ABL2: variants seen among roughly 807,000 people sequenced by gnomAD.
ABL2 encodes the protein tyrosine-protein kinase ABL2.
ABL2 carries 49 observed loss-of-function variants against 107.7 expected under a neutral mutation model. That is an observed-to-expected ratio of 0.45 (90% CI 0.36 to 0.58). The LOEUF is 0.58. Among genes scored for constraint, ABL2 ranks in the 20% least tolerant of loss-of-function variants. The pLI is 0.00. For missense variants in ABL2, 1,245 were observed against 1,457.0 expected, an observed-to-expected ratio of 0.85 and a Z score of 2.37; for synonymous variants, 549 against 548.6, an observed-to-expected ratio of 1.00 and a Z score of -0.01.
Position 179,112,361 on chromosome 1 carries a change from A to G in ABL2, c.1599T>C (p.Ala533=), listed in dbSNP as rs1312910172. The G allele has an allele frequency of 6.2e-6, 10 of 1,613,992 alleles. No homozygotes were observed. The highest frequency in any genetic ancestry group is 6.8e-6 in the Non-Finnish European group (8 of 1,179,878). The change falls in exon 10 of 12, where the codon GCT becomes GCC. Residue 533 remains alanine (A), a synonymous_variant. Coordinates refer to ENST00000502732, the MANE Select transcript of ABL2 (RefSeq NM_007314.4). ...TGGTTTCAAAAGCTTGGTGTGTTTC[A>G]GCAAAAGAGGGCCTATCGGCAGGGC... ...KWSPADRPSF[A]ETHQAFETMF...
chr1:179,182,983 C>G (rs557689528), intron 1 of ABL2, among the ~76,000 whole-genome samples: 1 of 152,104 alleles, frequency 6.6e-6, no homozygotes, highest in Admixed American at 6.5e-5. Context: ...TGGTAAGAAT[C>G]ACTGGGGCTC....
intron 1 of ABL2, among the ~76,000 whole-genome samples, chr1:179,152,265 C>T (rs1291602221): frequency 6.6e-6 from 1 of 152,146 alleles, no homozygotes; most frequent in Non-Finnish European, 1.5e-5. Context: ...AGCTAAAAGC[C>T]CTGCAGTTAA....
chr1:179,135,712 G>A (rs1322912478), intron 1 of ABL2, among the ~76,000 whole-genome samples: 2 of 145,632 alleles, frequency 1.4e-5, no homozygotes, highest in Non-Finnish European at 3.0e-5. Flanking sequence ...CCTCTGCCCG[G>A]CCGCCCCTAC....
At chr1:179,181,476 C>T (rs1469311749) in intron 1 of ABL2, among the ~76,000 whole-genome samples, 1 of 152,074 alleles carries the variant, frequency 6.6e-6, no homozygotes, top group African/African-American at 2.4e-5. Flanking sequence ...AGCTTTGTGA[C>T]CTTGGGAAAA....
At chr1:179,193,000 G>A (rs187008862) in intron 1 of ABL2, among the ~76,000 whole-genome samples, 5 of 152,100 alleles carry the variant, frequency 3.3e-5, no homozygotes, top group East Asian at 1.9e-4. Context: ...TATCTTCTGC[G>A]TTGTTGTCTA....
intron 1 of ABL2, among the ~76,000 whole-genome samples, chr1:179,218,355 A>C (rs898188383): frequency 1.3e-5 from 2 of 152,174 alleles, no homozygotes; most frequent in African/African-American, 2.4e-5. Context: ...AGTACATTAC[A>C]TCCTGTTTTC....
At chr1:179,229,216 C>A (rs1558013566) in intron 1 of ABL2, 25 bp downstream of exon 1, 1 of 1,483,494 alleles carries the variant, frequency 6.7e-7, no homozygotes, top group African/African-American at 1.5e-5. Flanking sequence ...CCCACGCTCT[C>A]ATGCCGGCTC....
At chr1:179,227,215 T>G (rs1260519696) in intron 1 of ABL2, among the ~76,000 whole-genome samples, 2 of 152,222 alleles carry the variant, frequency 1.3e-5, no homozygotes, top group African/African-American at 2.4e-5. Flanking sequence ...TTAGAGATCA[T>G]CCAGTCCAAC....
rs1190073935 is a variant in ABL2 at position 179,102,474 on chromosome 1, T to C, written c.*5244A>G. On this transcript the variant is annotated 3_prime_UTR_variant, in exon 12 of 12. Transcript: ENST00000502732. ...AGGAAGTGAGCTACTACTGGCTTGA[T>C]ACAAGCTAAGACAGAGACACAAACC... 4.4e-6 allele frequency: 1 copy of C among 225,460 alleles called. No individual in the cohort carries two copies. Among genetic ancestry groups the C allele is most frequent in the Non-Finnish European group, 8.8e-6 (1 of 113,332 alleles). 14.0% of individuals were successfully genotyped at this position (225,460 alleles called of 1,614,324 possible). A position where few individuals can be genotyped will look rare whatever the true frequency, so the allele number is the denominator to read the frequency against.
chr1:179,109,002 G>A lies in ABL2; in HGVS notation c.2265C>T (p.Arg755=). The A allele has an allele frequency of 1.2e-6, 2 of 1,614,060 alleles. No homozygotes were observed. The highest frequency in any genetic ancestry group is 1.7e-6 in the Non-Finnish European group (2 of 1,180,024). Residue 755 remains arginine (R), a synonymous_variant, in exon 12 of 12, where the codon CGC becomes CGT. Transcript: ENST00000502732. ...WSGITGFFTP[R]LIKKTLGLRA... ...GTAAGCCCAGTGTCTTTTTGATTAA[G>A]CGTGGTGTAAAGAAGCCTGTGATGC...
intron 3 of ABL2, among the ~76,000 whole-genome samples, chr1:179,130,936 A>ATTTTT (rs11382795): frequency 1.4e-5 from 2 of 142,616 alleles, no homozygotes; most frequent in African/African-American, 2.6e-5. Context: ...TTTCAGGATA[A>ATTTTT]TTTTTTTTTT....
rs1656522485 is a variant in ABL2, at chr1:179,133,302, C to T, written c.220+10G>A. On this transcript the variant is annotated intron_variant, in intron 2 of 11. Coordinates refer to ENST00000502732, the MANE Select transcript of ABL2 (RefSeq NM_007314.4). Reference sequence around the variant, plus strand: ...TTAGTTCAAATCTGCAACATCTCAACATCTCTCACCTGGACTACTGCCTCC... The same window carrying T: ...TTAGTTCAAATCTGCAACATCTCAATATCTCTCACCTGGACTACTGCCTCC... 6.2e-7 allele frequency: 1 copy of T among 1,614,156 alleles called. No homozygotes were observed. The highest frequency in any genetic ancestry group is 1.1e-5 in the South Asian group (1 of 91,068).
chr1:179,110,625 CAT>C (rs1437409075), intron 10 of ABL2, 170 bp from the exon 11 acceptor site: 16 of 1,520,860 alleles, frequency 1.1e-5, no homozygotes, highest in African/African-American at 1.4e-5. Context: ...CGCCCAGTAT[CAT>C]GTGTGTAGAT....
Position 179,229,270 on chromosome 1 carries a change from T to A in ABL2, c.128A>T (p.Glu43Val). 1 of 1,559,906 alleles carries A rather than the reference T, an allele frequency of 6.4e-7. No individual in the cohort carries two copies. The highest frequency in any genetic ancestry group is 1.9e-5 in the Admixed American group (1 of 53,042). The change falls in exon 1 of 12, where the codon GAG becomes GTG. Residue 43 changes from glutamate (E) to valine (V), a missense_variant. Physicochemically the swap from Glu to Val is moderately radical, Grantham distance 121. Around this residue, in one of 3 missense-constraint regions of ABL2, gnomAD observed 164 missense variants for 143.7 expected, o/e 1.14. Coordinates refer to ENST00000502732, the MANE Select transcript of ABL2 (RefSeq NM_007314.4). Reference protein sequence around the residue: ...RRRDPAGRTTETGFNIFTQHD... With the variant: ...RRRDPAGRTTVTGFNIFTQHD... ...CTGGGTGAAGATATTGAAGCCGGTC[T>A]CTGTGGTGCGCCCCGCCGGGTCCCG...
At chr1:179,222,940 A>G (rs938524214) in intron 1 of ABL2, among the ~76,000 whole-genome samples, 1 of 151,652 alleles carries the variant, frequency 6.6e-6, no homozygotes, top group African/African-American at 2.4e-5. Flanking sequence ...GTGAATCCCC[A>G]TCTCTACTAA....
At chr1:179,229,023 C>T (rs1261446639) in intron 1 of ABL2, among the ~76,000 whole-genome samples, 1 of 152,198 alleles carries the variant, frequency 6.6e-6, no homozygotes, top group African/African-American at 2.4e-5. Context: ...CTTCTCTTTC[C>T]TTCTCCGCCC....
intron 1 of ABL2, among the ~76,000 whole-genome samples, chr1:179,215,418 C>T (rs191078846): frequency 5.2e-4 from 79 of 152,128 alleles, no homozygotes; most frequent in African/African-American, 1.8e-3. Flanking sequence ...CCTTGAGATA[C>T]CTTTGTATAT....
chr1:179,206,501 TAAA>T (rs71685132), intron 1 of ABL2, among the ~76,000 whole-genome samples: 5 of 128,688 alleles, frequency 3.9e-5, no homozygotes, highest in Non-Finnish European at 3.4e-5. Context: ...TGCATCCATT[TAAA>T]AAAAAAAAAA....
intron 1 of ABL2, among the ~76,000 whole-genome samples, chr1:179,200,328 T>C (rs116503493): frequency 0.014 from 2,069 of 152,322 alleles, 66 homozygotes; most frequent in African/African-American, 0.046. Flanking sequence ...ATTAGAGGCA[T>C]GGGCCACCGC....
Sources: allele counts gnomAD v4.1 joint callset (sites outside exome capture counted in the v4.1 genomes callset), GRCh38; gene constraint gnomAD v4.1.1; regional missense constraint gnomAD v4.1.1; transcripts MANE v1.5; gene names NCBI Gene and HGNC (gene_info 2026-07-23, HGNC 2026-07-21).